LTBP1: variants seen among roughly 807,000 people sequenced by gnomAD.
The protein encoded by LTBP1 is latent transforming growth factor beta binding protein 1.
A neutral mutation model predicts 207.6 loss-of-function variants in LTBP1; 129 were observed. The ratio of observed to expected loss-of-function variants is 0.62; its 90% confidence interval spans 0.54 to 0.72. The LOEUF (loss-of-function observed/expected upper bound fraction) is 0.72. Ranked by LOEUF, LTBP1 falls within the 30% of genes least tolerant of loss-of-function variation. LTBP1 has a pLI of 0.00. For missense variants in LTBP1, 2,281 were observed against 2,217.2 expected (o/e 1.03, Z -0.58); for synonymous variants, 963 against 833.7 (o/e 1.16, Z -2.67).
chr2:32,970,805 T>C (rs1173409881), intron 2 of LTBP1, among the ~76,000 whole-genome samples: 1 of 152,092 alleles, frequency 6.6e-6, no homozygotes, highest in Non-Finnish European at 1.5e-5. Flanking sequence ...AGAATGTCAT[T>C]GTTAGTTGAT....
chr2:33,165,669 A>G (rs1188040611), intron 5 of LTBP1, among the ~76,000 whole-genome samples: 2 of 152,210 alleles, frequency 1.3e-5, no homozygotes, highest in Non-Finnish European at 2.9e-5. Flanking sequence ...CTCTGTGGAA[A>G]AGGTGATTTT....
rs975487838 is a variant in LTBP1 at position 33,149,239 on chromosome 2, A to C, written c.1201+14279A>C. 1.7e-4 allele frequency among the ~76,000 whole-genome samples: 25 copies of C among 144,944 alleles called. No homozygotes were observed. In the East Asian group the frequency reaches 2.3e-3, roughly 13 times the overall value. On this transcript the variant is annotated intron_variant, in intron 5 of 33. Transcript: ENST00000404816. ...CACTCACAAAAAAACAAAAAAAAAA[A>C]AAAAAAAAAAAAAAAAGAGAGGGAG...
intron 3 of LTBP1, among the ~76,000 whole-genome samples, chr2:33,057,290 G>A (rs985384699): frequency 4.6e-5 from 7 of 152,150 alleles, no homozygotes; most frequent in Admixed American, 2.6e-4. Flanking sequence ...GTGCTCATTG[G>A]TGTATTTACA....
At chr2:33,201,838 T>G (rs2089320155) in intron 7 of LTBP1, among the ~76,000 whole-genome samples, 2 of 152,118 alleles carry the variant, frequency 1.3e-5, no homozygotes, top group African/African-American at 2.4e-5. Flanking sequence ...CAAAATTGGG[T>G]TAAAGTGACA....
intron 19 of LTBP1, among the ~76,000 whole-genome samples, chr2:33,284,497 T>C (rs1289584896): frequency 1.3e-5 from 2 of 152,188 alleles, no homozygotes; most frequent in Non-Finnish European, 2.9e-5. Flanking sequence ...GGACCTGACA[T>C]TCAGCCTGGA....
At chr2:33,326,690 G>A (rs976888698) in intron 24 of LTBP1, among the ~76,000 whole-genome samples, 6 of 75,504 alleles carry the variant, frequency 7.9e-5, no homozygotes, top group South Asian at 4.1e-4. Flanking sequence ...GCCGAATCTC[G>A]CTCTGTTACT....
At chr2:33,365,645 G>GTA in intron 31 of LTBP1, 142 bp downstream of exon 31, 1 of 780,900 alleles carries the variant, frequency 1.3e-6, no homozygotes, top group Non-Finnish European at 2.0e-6. Flanking sequence ...GTGTGTGTGT[G>GTA]TGTGTAGGGC....
At chr2:33,138,996 C>T (rs1461844129) in intron 5 of LTBP1, among the ~76,000 whole-genome samples, 1 of 150,552 alleles carries the variant, frequency 6.6e-6, no homozygotes, top group Admixed American at 6.6e-5. Context: ...GTAGCTGGGA[C>T]TACAGGCGCC....
chr2:33,042,587 A>G (rs2076242929), intron 3 of LTBP1, among the ~76,000 whole-genome samples: 2 of 152,340 alleles, frequency 1.3e-5, no homozygotes, highest in South Asian at 4.1e-4. Context: ...AAGCAACTGG[A>G]CAACAACAGC....
At chr2:33,238,045 A>AAT (rs1381900609) in intron 9 of LTBP1, among the ~76,000 whole-genome samples, 4 of 118,728 alleles carry the variant, frequency 3.4e-5, no homozygotes, top group Non-Finnish European at 6.7e-5. Flanking sequence ...AAGTTTAAGA[A>AAT]ATATATATAT....
chr2:33,300,333 G>T (rs2093962536), intron 20 of LTBP1, 118 bp from the exon 21 acceptor site: 7 of 938,846 alleles, frequency 7.5e-6, no homozygotes. Flanking sequence ...AGTGTGTAGT[G>T]CCAGACATAA....
At chr2:32,987,788 A>G (rs562289909) in intron 2 of LTBP1, among the ~76,000 whole-genome samples, 24 of 152,310 alleles carry the variant, frequency 1.6e-4, no homozygotes, top group African/African-American at 5.5e-4. Context: ...GAATACCTCT[A>G]GCCATATTTA....
chr2:33,018,365 A>G (rs1269058592), intron 2 of LTBP1, among the ~76,000 whole-genome samples: 1 of 152,078 alleles, frequency 6.6e-6, no homozygotes, highest in African/African-American at 2.4e-5. Flanking sequence ...TAGAAAACAC[A>G]TTTGCAGTGT....
chr2:33,053,457 G>A (rs902912688), intron 3 of LTBP1, among the ~76,000 whole-genome samples: 1 of 151,938 alleles, frequency 6.6e-6, no homozygotes, highest in Non-Finnish European at 1.5e-5. Flanking sequence ...ATCATAATGA[G>A]TATTATTGAA....
chr2:33,206,679 C>A (rs895711290), intron 7 of LTBP1, among the ~76,000 whole-genome samples: 2 of 149,340 alleles, frequency 1.3e-5, no homozygotes, highest in East Asian at 3.9e-4. Context: ...GCGGAGCTTG[C>A]AGTGAGCCGA....
chr2:33,119,560 C>G (rs1488500050), intron 4 of LTBP1, among the ~76,000 whole-genome samples: 1 of 151,952 alleles, frequency 6.6e-6, no homozygotes, highest in Non-Finnish European at 1.5e-5. Context: ...ACCTTTCTTT[C>G]TTTCTTTTAT....
chr2:32,979,841 G>T (rs1300605516), intron 2 of LTBP1, among the ~76,000 whole-genome samples: 3 of 152,064 alleles, frequency 2.0e-5, no homozygotes, highest in Admixed American at 2.0e-4. Context: ...ACTAATATTT[G>T]CTTTATATAT....
At position 33,348,349 on chromosome 2, in the gene LTBP1, A is replaced by G. The variant is rs184084305; in HGVS notation, c.4000+839A>G. On this transcript the variant is annotated intron_variant, in intron 26 of 33. Coordinates refer to ENST00000404816, the MANE Select transcript of LTBP1 (RefSeq NM_206943.4). ...AATATGAAAATATTTTCACCCACAC[A>G]TATTTCCTCAGTTATTAAATATAGA... Among the ~76,000 whole-genome samples, 643 of 152,326 alleles carry G rather than the reference A, an allele frequency of 4.2e-3. 4 individuals are homozygous for G. Among genetic ancestry groups the G allele is most frequent in the Admixed American group, 7.3e-3 (112 of 15,298 alleles).
At chr2:32,994,469 CTTT>C (rs1045137913) in intron 2 of LTBP1, among the ~76,000 whole-genome samples, 2 of 143,374 alleles carry the variant, frequency 1.4e-5, no homozygotes, top group Admixed American at 7.0e-5. Flanking sequence ...ATTAGTGAGT[CTTT>C]TTTTTTTTTT....
Sources: gnomAD v4.1 joint callset for allele counts (sites outside exome capture counted in the v4.1 genomes callset) on GRCh38, gnomAD v4.1.1 for gene constraint, MANE v1.5 for transcripts, NCBI Gene and HGNC (gene_info 2026-07-23, HGNC 2026-07-21) for gene names.